MED20: variants seen among roughly 807,000 people sequenced by gnomAD.
MED20 encodes the protein mediator of RNA polymerase II transcription subunit 20.
MED20 carries 19 observed loss-of-function variants against 19.7 expected under a neutral mutation model. The observed-to-expected ratio is 0.96, with a 90% CI of 0.67 to 1.42. The LOEUF is 1.42. Among genes scored for constraint, MED20 ranks in the 40% most tolerant of loss-of-function variants. The pLI, the probability that MED20 is intolerant of heterozygous loss-of-function variation, is 0.00. For synonymous variants in MED20, 105 were observed against 104.8 expected (o/e 1.00, Z -0.01); for missense variants, 225 against 273.0 (o/e 0.82, Z 1.24).
chr6:41,920,898 G>A (rs1169620670), intron 1 of MED20, 107 bp downstream of exon 1: 5 of 1,442,592 alleles, frequency 3.5e-6, no homozygotes, highest in Non-Finnish European at 4.7e-6. Context: ...TACACAACCC[G>A]AGGACATCTC....
rs1333814480 is a variant in MED20, at chr6:41,921,071, T to C, written c.-53A>G. On this transcript the variant is annotated 5_prime_UTR_variant, in exon 1 of 4. Coordinates refer to ENST00000265350, the MANE Select transcript of MED20 (RefSeq NM_004275.5). ...CACACAGTAGAAACGCAGGGTTCCC[T>C]GTCCGCCCACAGAAACTCCTTCAGT... 1.2e-6 allele frequency: 2 copies of C among 1,604,024 alleles called. No homozygotes were observed. The highest frequency in any genetic ancestry group is 1.1e-5 in the South Asian group (1 of 90,170).
At chr6:41,911,470 T>C (rs1487825308) in intron 2 of MED20, among the ~76,000 whole-genome samples, 1 of 152,056 alleles carries the variant, frequency 6.6e-6, no homozygotes, top group African/African-American at 2.4e-5. Flanking sequence ...TAAAAACTTT[T>C]TGAAAGACCA....
chr6:41,909,922 G>C (rs1056772673), intron 2 of MED20, among the ~76,000 whole-genome samples: 1 of 152,038 alleles, frequency 6.6e-6, no homozygotes, highest in African/African-American at 2.4e-5. Flanking sequence ...CAGCATTTGG[G>C]CATGCCAAAG....
rs1383633120 is a variant in MED20 at position 41,920,901 on chromosome 6, G to A, written c.14+104C>T. On this transcript the variant is annotated intron_variant, in intron 1 of 3. Transcript: ENST00000265350. ...CATCCTCTCATCTACACAACCCGAG[G>A]ACATCTCCCTCAGCTCCCAGAGGAC... is the stretch of plus-strand genomic sequence containing the variant. The A allele has an allele frequency of 9.6e-6, 14 of 1,457,094 alleles. No homozygotes were observed. In the Admixed American group the frequency reaches 1.5e-4, roughly 16 times the overall value. The allele number at this position is 1,457,094 out of a possible 1,614,324, so 90.3% of individuals were successfully genotyped here.
At position 41,909,463 on chromosome 6, in the gene MED20, C is replaced by T. The variant is rs963479392; in HGVS notation, c.229G>A (p.Ala77Thr). ...AGGCAAGGGCCATTCTCAAAGAGGGCGAAACAGCTCAATGGGTACTCTGAG... is the reference window on the plus strand; with the variant it reads ...AGGCAAGGGCCATTCTCAAAGAGGGTGAAACAGCTCAATGGGTACTCTGAG... ...HNSEYPLSCFALFENGPCLIA... is the reference protein window; with the variant it reads ...HNSEYPLSCFTLFENGPCLIA... Residue 77 changes from alanine to threonine, a missense_variant, in exon 3 of 4, where the codon GCC becomes ACC. Coordinates refer to ENST00000265350, the MANE Select transcript of MED20 (RefSeq NM_004275.5). 3.7e-6 allele frequency: 6 copies of T among 1,614,254 alleles called. No homozygotes were observed. Among genetic ancestry groups the T allele is most frequent in the Admixed American group, 1.7e-5 (1 of 60,030 alleles).
chr6:41,914,007 G>A (rs1204484906), intron 2 of MED20, among the ~76,000 whole-genome samples: 1 of 152,162 alleles, frequency 6.6e-6, no homozygotes, highest in Non-Finnish European at 1.5e-5. Context: ...TTATAGATGA[G>A]AGAACTGTAC....
chr6:41,908,225 C>T (rs921677958), intron 3 of MED20, among the ~76,000 whole-genome samples: 1 of 152,188 alleles, frequency 6.6e-6, no homozygotes, highest in East Asian at 1.9e-4. Context: ...AGACTAACTT[C>T]AAAAAGAGTT....
intron 1 of MED20, among the ~76,000 whole-genome samples, chr6:41,919,428 C>G (rs887993433): frequency 6.6e-6 from 1 of 152,142 alleles, no homozygotes; most frequent in Non-Finnish European, 1.5e-5. Flanking sequence ...CTAAATGAAT[C>G]TATTAAGGTA....
intron 1 of MED20, among the ~76,000 whole-genome samples, 159 bp from the exon 2 acceptor site, chr6:41,917,098 T>C (rs1394390984): frequency 6.6e-6 from 1 of 152,124 alleles, no homozygotes; most frequent in Non-Finnish European, 1.5e-5. Flanking sequence ...TATTATTATT[T>C]TTAATTAAAA....
intron 2 of MED20, among the ~76,000 whole-genome samples, chr6:41,915,428 A>T (rs184213630): frequency 1.8e-4 from 27 of 152,272 alleles, no homozygotes; most frequent in Non-Finnish European, 3.7e-4. Flanking sequence ...CAGGAATTTG[A>T]GGCTGCAGTG....
intron 3 of MED20, among the ~76,000 whole-genome samples, chr6:41,907,717 A>T (rs764376987): frequency 2.6e-5 from 4 of 152,056 alleles, no homozygotes; most frequent in African/African-American, 4.8e-5. Flanking sequence ...TTTTTTCAAG[A>T]CCAAATTTTA....
rs1775067053 is a variant in MED20, at chr6:41,907,011, A to T, written c.*61T>A. The T allele has an allele frequency of 6.6e-7, 1 of 1,515,416 alleles. No homozygotes were observed. The allele number at this position is 1,515,416 out of a possible 1,614,324, so 93.9% of individuals were successfully genotyped here. On this transcript the variant is annotated 3_prime_UTR_variant, in exon 4 of 4. Transcript: ENST00000265350. ...TCTGGGGTCCAGGGACCTGAAAGTCAGCACCTGCTCCTCCTGTGGAGTACC... is the reference window on the plus strand; with the variant it reads ...TCTGGGGTCCAGGGACCTGAAAGTCTGCACCTGCTCCTCCTGTGGAGTACC...
intron 2 of MED20, among the ~76,000 whole-genome samples, chr6:41,915,837 A>T (rs1265369082): frequency 7.6e-6 from 1 of 131,532 alleles, no homozygotes; most frequent in Non-Finnish European, 1.7e-5. Context: ...TTGGGTTGTA[A>T]TGGATATGTT....
intron 2 of MED20, among the ~76,000 whole-genome samples, chr6:41,915,059 C>T (rs1471749248): frequency 6.6e-6 from 1 of 152,136 alleles, no homozygotes; most frequent in Non-Finnish European, 1.5e-5. Context: ...AACAAGTATC[C>T]CAGGTGATTC....
chr6:41,920,621 A>C (rs1775436599), intron 1 of MED20, among the ~76,000 whole-genome samples: 1 of 152,120 alleles, frequency 6.6e-6, no homozygotes, highest in African/African-American at 2.4e-5. Context: ...CTAAAAATAC[A>C]AAAAGTAACC....
intron 3 of MED20, among the ~76,000 whole-genome samples, chr6:41,907,497 G>C (rs1157017697): frequency 6.6e-6 from 1 of 152,064 alleles, no homozygotes; most frequent in African/African-American, 2.4e-5. Context: ...TCTCATCCTG[G>C]AGCTGTGCCA....
rs2127380092 is a variant in MED20 at position 41,916,711 on chromosome 6, A to AG, written c.169+73_169+74insC. ...ATACCACCTTTAGCAGAAAAGCAGAAAGACTTCAATTAACTCAAATGTCTC... is the reference window on the plus strand; with the variant it reads ...ATACCACCTTTAGCAGAAAAGCAGAAGAGACTTCAATTAACTCAAATGTCTC... On this transcript the variant is annotated intron_variant, in intron 2 of 3. Coordinates refer to ENST00000265350, the MANE Select transcript of MED20 (RefSeq NM_004275.5). 1.9e-6 allele frequency: 3 copies of AG among 1,560,724 alleles called. No homozygotes were observed. In the East Asian group the frequency reaches 6.8e-5, roughly 35 times the overall value.
intron 2 of MED20, among the ~76,000 whole-genome samples, chr6:41,913,986 T>C (rs1341886450): frequency 2.0e-5 from 3 of 152,224 alleles, no homozygotes; most frequent in Non-Finnish European, 4.4e-5. Flanking sequence ...AGTACTATGA[T>C]TATCTTCATT....
At chr6:41,908,988 G>T in intron 3 of MED20, 1 of 465,034 alleles carries the variant, frequency 2.2e-6, no homozygotes, top group Non-Finnish European at 3.8e-6. Flanking sequence ...TCTGAGATCA[G>T]CCTGGGCAAC....
Sources: allele counts gnomAD v4.1 joint callset (sites outside exome capture counted in the v4.1 genomes callset), GRCh38; gene constraint gnomAD v4.1.1; transcripts MANE v1.5; gene names NCBI Gene and HGNC (gene_info 2026-07-23, HGNC 2026-07-21).